Variants in SLF1 observed in about 807,000 individuals in gnomAD.
The protein encoded by SLF1 is SMC5/6 complex localization factor 1.
A neutral mutation model predicts 123.0 loss-of-function variants in SLF1; 105 were observed. The observed-to-expected ratio is 0.85, with a 90% confidence interval of 0.73 to 1.00. The LOEUF is 1.00. Among genes scored for constraint, SLF1 ranks in the 50% least tolerant of loss-of-function variants. The pLI, the probability that SLF1 is intolerant of heterozygous loss-of-function variation, is 0.00. For missense variants in SLF1, 1,239 were observed against 1,223.0 expected, an observed-to-expected ratio of 1.01 and a Z score of -0.20; for synonymous variants, 434 against 406.6, an observed-to-expected ratio of 1.07 and a Z score of -0.81.
At chr5:94,647,817 A>G (rs1008056864) in intron 5 of SLF1, among the ~76,000 whole-genome samples, 3 of 152,252 alleles carry the variant, frequency 2.0e-5, no homozygotes, top group Non-Finnish European at 2.9e-5. Flanking sequence ...ATTCAATTTC[A>G]AAACTTTCAA....
Position 94,630,758 on chromosome 5 carries a change from C to T in SLF1, c.431+15C>T, listed in dbSNP as rs1410138089. 6.5e-7 allele frequency: 1 copy of T among 1,532,666 alleles called. No homozygotes were observed. The highest frequency in any genetic ancestry group is 2.1e-5 in the Admixed American group (1 of 48,646). 94.9% of individuals were successfully genotyped at this position (1,532,666 alleles called of 1,614,324 possible). A position where few individuals can be genotyped will look rare whatever the true frequency, so the allele number is the denominator to read the frequency against. The stretch of plus-strand genomic sequence containing the variant: ...TCTCTTATAAGGTAGGATGTGATTA[C>T]ATAAAAGCTAAAGCAATTAATGAGA... On this transcript the variant is annotated intron_variant, in intron 4 of 20. Coordinates refer to ENST00000265140, the MANE Select transcript of SLF1 (RefSeq NM_032290.4).
Position 94,628,995 on chromosome 5 carries a change from G to T in SLF1, c.114+71G>T, listed in dbSNP as rs1481579295. On this transcript the variant is annotated intron_variant, in intron 2 of 20. Transcript: ENST00000265140. ...ACAATTCAAATACTGGCCTAAGAATGATAAAATGCCTTCTTGATATTGTAG... is the reference window on the plus strand; with the variant it reads ...ACAATTCAAATACTGGCCTAAGAATTATAAAATGCCTTCTTGATATTGTAG... 9.3e-6 allele frequency: 13 copies of T among 1,403,282 alleles called. No homozygotes were observed. The East Asian group carries it at 3.3e-4, about 35-fold the overall frequency. 86.9% of individuals were successfully genotyped at this position (1,403,282 alleles called of 1,614,324 possible).
At chr5:94,624,980 A>G (rs1056811963) in intron 1 of SLF1, among the ~76,000 whole-genome samples, 8 of 151,368 alleles carry the variant, frequency 5.3e-5, no homozygotes, top group Non-Finnish European at 1.0e-4. Context: ...AGGTCAGGAG[A>G]TCGAGACCAT....
intron 14 of SLF1, among the ~76,000 whole-genome samples, chr5:94,676,141 G>C (rs1396288856): frequency 6.6e-6 from 1 of 152,082 alleles, no homozygotes; most frequent in East Asian, 1.9e-4. Flanking sequence ...CTGATATTCA[G>C]ATACATATTA....
intron 1 of SLF1, among the ~76,000 whole-genome samples, chr5:94,621,658 G>A (rs1457083263): frequency 6.6e-6 from 1 of 152,138 alleles, no homozygotes; most frequent in African/African-American, 2.4e-5. Flanking sequence ...TGCCCAGCCT[G>A]TGCCTTGTAC....
At chr5:94,659,074 T>G (rs987865149) in intron 9 of SLF1, among the ~76,000 whole-genome samples, 1 of 93,430 alleles carries the variant, frequency 1.1e-5, no homozygotes, top group Admixed American at 1.2e-4. Flanking sequence ...TCAAAAGACC[T>G]GTCTTCATGT....
chr5:94,655,803 T>C (rs934207827), intron 9 of SLF1, among the ~76,000 whole-genome samples: 11 of 152,118 alleles, frequency 7.2e-5, no homozygotes, highest in Non-Finnish European at 1.6e-4. Flanking sequence ...ACTTTTTATC[T>C]CACAGCTTTA....
At chr5:94,631,191 T>C (rs1425052846) in intron 4 of SLF1, among the ~76,000 whole-genome samples, 1 of 152,178 alleles carries the variant, frequency 6.6e-6, no homozygotes, top group African/African-American at 2.4e-5. Context: ...TTGGGTAAAC[T>C]GTATTCTAAG....
chr5:94,653,353 T>C lies in SLF1; in HGVS notation c.964T>C (p.Cys322Arg). Residue 322 changes from cysteine (C) to arginine (R), a missense_variant, in exon 8 of 21, where the codon TGC (cysteine) becomes CGC (arginine). Coordinates refer to ENST00000265140, the MANE Select transcript of SLF1 (RefSeq NM_032290.4). ...ACGCAAGAAAGGAAAAGAAAGCAAT[T>C]GCAAGAAAGGCGTTGAACATGAAAA... The part of the protein sequence containing the change: ...RKRKKGKESN[C>R]KKGVEHEKIK... The C allele has an allele frequency of 1.3e-6, 2 of 1,530,364 alleles. No homozygotes were observed. Among genetic ancestry groups the C allele is most frequent in the South Asian group, 1.3e-5 (1 of 79,708 alleles). 94.8% of individuals were successfully genotyped at this position (1,530,364 alleles called of 1,614,324 possible).
intron 15 of SLF1, 129 bp downstream of exon 15, chr5:94,679,084 C>T: frequency 1.0e-6 from 1 of 975,484 alleles, no homozygotes; most frequent in South Asian, 1.7e-5. Flanking sequence ...TGGATGCACG[C>T]ACACATAGAT....
chr5:94,680,398 C>G (rs1414770526), intron 15 of SLF1, among the ~76,000 whole-genome samples: 1 of 152,140 alleles, frequency 6.6e-6, no homozygotes, highest in Non-Finnish European at 1.5e-5. Flanking sequence ...AGCTAACATT[C>G]AATCTTCCTG....
chr5:94,683,533 T>G (rs774534141), intron 15 of SLF1, among the ~76,000 whole-genome samples: 2 of 152,228 alleles, frequency 1.3e-5, no homozygotes, highest in Admixed American at 1.3e-4. Flanking sequence ...GAACTTACTT[T>G]TATACTGTAT....
rs139287798 is a variant in SLF1 at position 94,651,502 on chromosome 5, A to G, written c.739-200A>G. On this transcript the variant is annotated intron_variant, in intron 6 of 20. Transcript: ENST00000265140. ...ACTAAAGCATATATGTTAACGTACTATAAAGCTTTGTGAACTGAAAACAAT... is the reference window on the plus strand; with the variant it reads ...ACTAAAGCATATATGTTAACGTACTGTAAAGCTTTGTGAACTGAAAACAAT... Among the ~76,000 whole-genome samples the G allele has an allele frequency of 3.0e-3, 452 of 152,346 alleles. 9 individuals are homozygous for G. Among genetic ancestry groups the G allele is most frequent in the Admixed American group, 0.022 (338 of 15,308 alleles).
intron 4 of SLF1, among the ~76,000 whole-genome samples, chr5:94,633,639 G>A (rs1295972365): frequency 1.3e-5 from 2 of 152,138 alleles, no homozygotes; most frequent in African/African-American, 4.8e-5. Context: ...TATTTCCAAA[G>A]ACATGGTTGT....
intron 4 of SLF1, among the ~76,000 whole-genome samples, chr5:94,638,900 T>G (rs181145035): frequency 4.9e-4 from 75 of 152,328 alleles, no homozygotes; most frequent in Non-Finnish European, 5.9e-5. Context: ...CATTCTACAG[T>G]TGAGTCTTAA....
At position 94,639,037 on chromosome 5, in the gene SLF1, C is replaced by CTTTTTTTTT. The variant is rs764031689; in HGVS notation, c.432-4223_432-4215dup. Among the ~76,000 whole-genome samples, 44 of 88,962 alleles carry CTTTTTTTTT rather than the reference C, an allele frequency of 4.9e-4. 1 individual carries two copies. The highest frequency in any genetic ancestry group is 6.9e-4 in the African/African-American group (14 of 20,268). 58.4% of individuals were successfully genotyped at this position (88,962 alleles called of 152,430 possible). A position where few individuals can be genotyped will look rare whatever the true frequency, so the allele number is the denominator to read the frequency against. On this transcript the variant is annotated intron_variant, in intron 4 of 20. Transcript: ENST00000265140. ...TTTCTCATCTCTTTTCTTTTCTTCC[C>CTTTTTTTTT]TTTTTTTTTTTTTTTTTTTTTGAGA...
chr5:94,670,558 G>A lies in SLF1; in HGVS notation c.1661+279G>A, dbSNP rs575342612. On this transcript the variant is annotated intron_variant, in intron 13 of 20. Transcript: ENST00000265140. ...TAAAAAAATTCTTTAGTAATTGAAT[G>A]CTAAGTAAAAAACTACACCAATTTT... Among the ~76,000 whole-genome samples the A allele has an allele frequency of 1.1e-4, 16 of 151,752 alleles. 1 individual carries two copies. The East Asian group carries it at 3.1e-3, about 29-fold the overall frequency.
chr5:94,623,597 G>A (rs1393043282), intron 1 of SLF1, among the ~76,000 whole-genome samples: 3 of 151,578 alleles, frequency 2.0e-5, no homozygotes, highest in African/African-American at 4.8e-5. Context: ...ATAACCACTG[G>A]TACAATTATA....
chr5:94,675,873 A>G (rs181132748), intron 14 of SLF1, among the ~76,000 whole-genome samples: 286 of 149,006 alleles, frequency 1.9e-3, no homozygotes, highest in Middle Eastern at 3.6e-3. Context: ...ACATATTTAT[A>G]TAAGGAAGGA....
Sources: gnomAD v4.1 joint callset for allele counts (sites outside exome capture counted in the v4.1 genomes callset) on GRCh38, gnomAD v4.1.1 for gene constraint, MANE v1.5 for transcripts, NCBI Gene and HGNC (gene_info 2026-07-23, HGNC 2026-07-21) for gene names.